MYO1H: variants seen among roughly 807,000 people sequenced by gnomAD.
MYO1H encodes the protein myosin IH.
A neutral mutation model predicts 149.3 loss-of-function variants in MYO1H; 118 were observed. That is an observed-to-expected ratio of 0.79 (90% CI 0.68 to 0.92). The LOEUF (loss-of-function observed/expected upper bound fraction) is 0.92, where lower values mean the gene tolerates loss of function less well. Ranked by LOEUF, MYO1H falls within the 40% of genes least tolerant of loss-of-function variation. The probability of loss-of-function intolerance (pLI) is 0.00; values close to 1 mark genes in which losing one functional copy is unlikely to be tolerated. For missense variants in MYO1H, 1,212 were observed against 1,280.7 expected (o/e 0.95, Z 0.82); for synonymous variants, 447 against 465.2 (o/e 0.96, Z 0.50).
intron 15 of MYO1H, among the ~76,000 whole-genome samples, chr12:109,419,869 A>G (rs955096233): frequency 5.2e-4 from 57 of 110,106 alleles, no homozygotes; most frequent in Non-Finnish European, 8.6e-4. Context: ...CTGCTCCCCC[A>G]ACTTAAAAAA....
chr12:109,429,401 G>A (rs1287435364), intron 19 of MYO1H, among the ~76,000 whole-genome samples: 1 of 151,744 alleles, frequency 6.6e-6, no homozygotes, highest in Non-Finnish European at 1.5e-5. Context: ...ACCCAACTAT[G>A]GATTCAAAAT....
chr12:109,440,860 G>C lies in MYO1H; in HGVS notation c.2538+33G>C, dbSNP rs777933382. The C allele has an allele frequency of 7.0e-5, 103 of 1,462,154 alleles. 1 individual carries two copies. Among genetic ancestry groups the C allele is most frequent in the Non-Finnish European group, 9.6e-5 (102 of 1,066,114 alleles). The allele number at this position is 1,462,154 out of a possible 1,614,324, so 90.6% of individuals were successfully genotyped here. A position where few individuals can be genotyped will look rare whatever the true frequency, so the allele number is the denominator to read the frequency against. On this transcript the variant is annotated intron_variant, in intron 25 of 31. Coordinates refer to ENST00000310903, the Ensembl canonical transcript of MYO1H. ...CATGATGTCTGCGGTGGCCGGTGGT[G>C]GGGGTGGGTGTAAGAGTGGGTCCTG...
At chr12:109,433,528 C>T (rs191099413) in intron 20 of MYO1H, among the ~76,000 whole-genome samples, 2 of 152,296 alleles carry the variant, frequency 1.3e-5, no homozygotes, top group East Asian at 1.9e-4. Flanking sequence ...CCGTCTTGTG[C>T]GTCATTTTGG....
chr12:109,406,437 G>C (rs548258164), intron 8 of MYO1H, among the ~76,000 whole-genome samples: 2 of 125,864 alleles, frequency 1.6e-5, no homozygotes, highest in East Asian at 5.3e-4. Context: ...CTGCACTCCA[G>C]CCTGGGCAAC....
intron 5 of MYO1H, among the ~76,000 whole-genome samples, chr12:109,398,751 A>G (rs1014976846): frequency 6.7e-6 from 1 of 150,066 alleles, no homozygotes; most frequent in African/African-American, 2.4e-5. Context: ...CAAAAAAAAA[A>G]AAAAAAAAAA....
At chr12:109,426,662 T>C (rs1871362318) in intron 18 of MYO1H, among the ~76,000 whole-genome samples, 1 of 152,170 alleles carries the variant, frequency 6.6e-6, no homozygotes, top group Admixed American at 6.5e-5. Context: ...ACGTCACTCT[T>C]TTCTAGCCAA....
upstream of MYO1H, among the ~76,000 whole-genome samples, chr12:109,346,798 A>G (rs1234333878): frequency 1.3e-5 from 2 of 152,132 alleles, no homozygotes; most frequent in Admixed American, 6.5e-5. Flanking sequence ...ACTAAAATAT[A>G]TGTCTATAAA....
the MYO1H span, among the ~76,000 whole-genome samples, chr12:109,328,944 G>T: frequency 6.6e-6 from 1 of 151,990 alleles, no homozygotes; most frequent in African/African-American, 2.4e-5. Context: ...CACATAAAAA[G>T]TGGTAACTGT....
chr12:109,362,328 A>C (rs1315096118), intron 1 of MYO1H, among the ~76,000 whole-genome samples: 2 of 152,222 alleles, frequency 1.3e-5, no homozygotes, highest in African/African-American at 2.4e-5. Context: ...ATTTGAGCCA[A>C]AAGAGAATCT....
At chr12:109,320,817 T>C in the MYO1H span, among the ~76,000 whole-genome samples, 152,199 of 152,210 alleles carry the variant, frequency 1, 76,094 homozygotes, top group Middle Eastern at 1. Flanking sequence ...CGGCTGGGCG[T>C]GGTGGCTCAT....
exon 28 of MYO1H, chr12:109,443,642 T>G: frequency 6.2e-7 from 1 of 1,613,574 alleles, no homozygotes; most frequent in Non-Finnish European, 8.5e-7. Flanking sequence ...AGTACTCAGC[T>G]CTCAAAGGTA....
At chr12:109,328,141 C>CATAT in the MYO1H span, among the ~76,000 whole-genome samples, 2,196 of 142,620 alleles carry the variant, frequency 0.015, 49 homozygotes, top group African/African-American at 0.056. Flanking sequence ...CACACACACG[C>CATAT]ATATATATAT....
At chr12:109,407,672 T>C (rs1870454311) in intron 9 of MYO1H, 122 bp from the exon 10 acceptor site, 1 of 970,402 alleles carries the variant, frequency 1.0e-6, no homozygotes, top group Admixed American at 3.1e-5. Context: ...CATTCCAGGC[T>C]GGGCAGCAGA....
chr12:109,447,280 G>A (rs1488075003), exon 32 of MYO1H: 1 of 1,073,196 alleles, frequency 9.3e-7, no homozygotes, highest in Admixed American at 2.0e-5. Context: ...ACCTCTTCAA[G>A]GTACCAGGCC....
exon 30 of MYO1H, chr12:109,444,465 G>C: frequency 6.2e-7 from 1 of 1,614,002 alleles, no homozygotes; most frequent in Non-Finnish European, 8.5e-7. Flanking sequence ...ACACGTGTTT[G>C]AAGCAGTTAC....
intron 15 of MYO1H, among the ~76,000 whole-genome samples, chr12:109,416,670 C>T (rs539280120): frequency 2.0e-5 from 3 of 151,918 alleles, no homozygotes; most frequent in South Asian, 2.1e-4. Context: ...TATATATATA[C>T]GTAGGAATGG....
chr12:109,345,874 T>C (rs1294787967), upstream of MYO1H, among the ~76,000 whole-genome samples: 4 of 152,184 alleles, frequency 2.6e-5, no homozygotes, highest in Non-Finnish European at 5.9e-5. Context: ...TATGACTGTG[T>C]TCATATGAAA....
rs761125475 is a variant in MYO1H, at chr12:109,415,507, GTCTATT to G, written c.1503-15_1503-10del. 17 of 1,586,164 alleles carry G rather than the reference GTCTATT, an allele frequency of 1.1e-5. No homozygotes were observed. In the East Asian group the frequency reaches 3.7e-4, roughly 34 times the overall value. On this transcript the variant is annotated splice_polypyrimidine_tract_variant and intron_variant, in intron 14 of 31. Coordinates refer to ENST00000310903, the Ensembl canonical transcript of MYO1H. The stretch of plus-strand genomic sequence containing the variant: ...GAAAAGAAAAGAAAGTTCAACTCGT[GTCTATT>G]TCTGTCTCGTAGCCGTAAGCTGGCT...
At chr12:109,369,067 A>G (rs553382092) in intron 1 of MYO1H, among the ~76,000 whole-genome samples, 20 of 149,742 alleles carry the variant, frequency 1.3e-4, no homozygotes, top group African/African-American at 4.4e-4. Context: ...GGCTCACTGC[A>G]AATTCTGCCT....
Sources: gnomAD v4.1 joint callset for allele counts (sites outside exome capture counted in the v4.1 genomes callset) on GRCh38, gnomAD v4.1.1 for gene constraint, MANE v1.5 for transcripts, NCBI Gene and HGNC (gene_info 2026-07-23, HGNC 2026-07-21) for gene names.